Variants in CACNA2D1 observed in about 807,000 individuals in gnomAD.
CACNA2D1 encodes calcium voltage-gated channel auxiliary subunit alpha2delta 1, also known as voltage-dependent calcium channel subunit alpha-2/delta-1.
In CACNA2D1, 53 loss-of-function variants were observed where a neutral mutation model predicts 171.5. That is an observed-to-expected ratio of 0.31 (90% CI 0.25 to 0.39). CACNA2D1 has a LOEUF of 0.39. Ranked by LOEUF, CACNA2D1 falls within the 10% of genes least tolerant of loss-of-function variation. CACNA2D1 has a pLI of 1.00. For missense variants in CACNA2D1, 903 were observed against 1,299.8 expected (o/e 0.69, Z 4.69); for synonymous variants, 442 against 443.1 (o/e 1.00, Z 0.03).
chr7:81,974,309 C>A, intron 25 of CACNA2D1, 146 bp downstream of exon 25: 1 of 520,402 alleles, frequency 1.9e-6, no homozygotes, highest in Admixed American at 3.4e-5. Context: ...AATTAAGGAT[C>A]AAATTGTTAC....
At chr7:82,110,308 G>A (rs1470166517) in intron 6 of CACNA2D1, among the ~76,000 whole-genome samples, 1 of 152,116 alleles carries the variant, frequency 6.6e-6, no homozygotes, top group Non-Finnish European at 1.5e-5. Context: ...GGTCATGAGT[G>A]TGGAGCACCT....
rs143940159 is a variant in CACNA2D1 at position 82,359,328 on chromosome 7, T to C, written c.96-9679A>G. Among the ~76,000 whole-genome samples, 968 of 152,322 alleles carry C rather than the reference T, an allele frequency of 6.4e-3. 3 individuals carry two copies. Among genetic ancestry groups the C allele is most frequent in the Non-Finnish European group, 9.5e-3 (647 of 68,034 alleles). On this transcript the variant is annotated intron_variant, in intron 1 of 38. Coordinates refer to ENST00000356860, the MANE Select transcript of CACNA2D1 (RefSeq NM_000722.4). ...TTTAATTATTATTTAATTACCATGATATTACTTAATGTCATGGTAAAAATT... is the reference window on the plus strand; with the variant it reads ...TTTAATTATTATTTAATTACCATGACATTACTTAATGTCATGGTAAAAATT...
At chr7:82,312,930 A>C (rs961515819) in intron 3 of CACNA2D1, among the ~76,000 whole-genome samples, 1 of 152,204 alleles carries the variant, frequency 6.6e-6, no homozygotes, top group Non-Finnish European at 1.5e-5. Flanking sequence ...ACTAATTTAC[A>C]GATGAGTCCA....
chr7:82,234,511 T>C (rs1402742062), intron 3 of CACNA2D1, among the ~76,000 whole-genome samples: 1 of 152,124 alleles, frequency 6.6e-6, no homozygotes, highest in Non-Finnish European at 1.5e-5. Flanking sequence ...AATAAGCAAC[T>C]GATGTCTTTA....
intron 38 of CACNA2D1, among the ~76,000 whole-genome samples, chr7:81,957,171 T>TA (rs1357824984): frequency 1.3e-5 from 2 of 152,106 alleles, no homozygotes; most frequent in African/African-American, 2.4e-5. Context: ...TGTCATTAGG[T>TA]AGTTCTCATA....
At position 82,313,418 on chromosome 7, in the gene CACNA2D1, C is replaced by G. The variant is rs1225233799; in HGVS notation, c.294+21717G>C. Among the ~76,000 whole-genome samples the G allele has an allele frequency of 3.3e-5, 5 of 152,324 alleles. No individual in the cohort carries two copies. The South Asian group carries it at 1.0e-3, about 32-fold the overall frequency. On this transcript the variant is annotated intron_variant, in intron 3 of 38. Coordinates refer to ENST00000356860, the MANE Select transcript of CACNA2D1 (RefSeq NM_000722.4). ...AAATCTATATTGGTGAAGTAAACAA[C>G]CAGGCTTTCTCAGAGGCCCTACTTA...
At chr7:82,198,259 C>A (rs1799051829) in intron 3 of CACNA2D1, among the ~76,000 whole-genome samples, 2 of 152,060 alleles carry the variant, frequency 1.3e-5, no homozygotes, top group African/African-American at 4.8e-5. Context: ...CCTAGAGAAG[C>A]AGTAGGATGG....
At chr7:82,320,081 T>TA (rs1217985815) in intron 3 of CACNA2D1, among the ~76,000 whole-genome samples, 1 of 152,034 alleles carries the variant, frequency 6.6e-6, no homozygotes, top group East Asian at 1.9e-4. Context: ...TTTTTTTTTT[T>TA]AAATAAATCT....
chr7:82,047,013 A>C (rs557379167), intron 10 of CACNA2D1, among the ~76,000 whole-genome samples: 1 of 152,260 alleles, frequency 6.6e-6, no homozygotes, highest in East Asian at 1.9e-4. Flanking sequence ...GAAGCCATTG[A>C]AAGTATGCTG....
intron 5 of CACNA2D1, 61 bp downstream of exon 5, chr7:82,136,574 A>G (rs1281741734): frequency 1.5e-6 from 2 of 1,300,152 alleles, no homozygotes; most frequent in African/African-American, 2.9e-5. Flanking sequence ...TTTATTCTAT[A>G]TAAGGCCAAT....
At chr7:82,069,712 CCTTTTT>C (rs1808088749) in intron 7 of CACNA2D1, among the ~76,000 whole-genome samples, 1 of 10,382 alleles carries the variant, frequency 9.6e-5, no homozygotes, top group South Asian at 9.8e-3. Flanking sequence ...GCGAAGTACC[CCTTTTT>C]TTTTTATTTC....
intron 1 of CACNA2D1, among the ~76,000 whole-genome samples, chr7:82,388,874 A>G (rs77683178): frequency 0.012 from 1,756 of 151,980 alleles, 63 homozygotes; most frequent in East Asian, 0.07. Context: ...CCAGCACTTT[A>G]GGAGGCCGAG....
intron 12 of CACNA2D1, among the ~76,000 whole-genome samples, chr7:82,026,935 C>T (rs1802001201): frequency 6.6e-6 from 1 of 151,650 alleles, no homozygotes; most frequent in Admixed American, 6.6e-5. Context: ...ATCATTTATA[C>T]TCATTATTAG....
At chr7:82,271,605 A>G (rs1336521087) in intron 3 of CACNA2D1, among the ~76,000 whole-genome samples, 1 of 152,094 alleles carries the variant, frequency 6.6e-6, no homozygotes, top group Admixed American at 6.6e-5. Flanking sequence ...ATTTTTGAAT[A>G]AATATATTCT....
chr7:82,098,853 A>G (rs1199675627), intron 6 of CACNA2D1, among the ~76,000 whole-genome samples: 1 of 152,198 alleles, frequency 6.6e-6, no homozygotes, highest in African/African-American at 2.4e-5. Flanking sequence ...ACAAGATTTA[A>G]TTACTTAGAA....
At chr7:82,174,313 A>T (rs1796346292) in intron 3 of CACNA2D1, among the ~76,000 whole-genome samples, 1 of 152,046 alleles carries the variant, frequency 6.6e-6, no homozygotes, top group Non-Finnish European at 1.5e-5. Flanking sequence ...TTGAAGCTTA[A>T]TTCTGCTAAT....
chr7:82,411,776 C>T lies in CACNA2D1; in HGVS notation c.95+31589G>A, dbSNP rs569164767. Among the ~76,000 whole-genome samples the T allele has an allele frequency of 2.7e-4, 41 of 151,920 alleles. 1 individual carries two copies. The highest frequency in any genetic ancestry group is 9.2e-4 in the African/African-American group (38 of 41,410). On this transcript the variant is annotated intron_variant, in intron 1 of 38. Coordinates refer to ENST00000356860, the MANE Select transcript of CACNA2D1 (RefSeq NM_000722.4). ...CACTTCTGCATTTTAAGGCATTTCT[C>T]GCAATAGGCATGCACAGGACATGTC...
At chr7:82,256,081 A>C (rs1489906569) in intron 3 of CACNA2D1, among the ~76,000 whole-genome samples, 2 of 152,172 alleles carry the variant, frequency 1.3e-5, no homozygotes, top group Non-Finnish European at 2.9e-5. Flanking sequence ...GTTCGAGACT[A>C]GCCTGGCCAA....
chr7:82,254,534 T>C (rs1806056080), intron 3 of CACNA2D1, among the ~76,000 whole-genome samples: 1 of 152,134 alleles, frequency 6.6e-6, no homozygotes, highest in Non-Finnish European at 1.5e-5. Flanking sequence ...ATTAGCAGCT[T>C]TTAAGTGTCA....
Sources: gnomAD v4.1 joint callset for allele counts (sites outside exome capture counted in the v4.1 genomes callset) on GRCh38, gnomAD v4.1.1 for gene constraint, MANE v1.5 for transcripts, NCBI Gene and HGNC (gene_info 2026-07-23, HGNC 2026-07-21) for gene names.